The following OPN4 variants were observed in gnomAD, a reference collection of about 807,000 sequenced individuals.
OPN4 encodes the protein opsin 4.
In OPN4, 43 loss-of-function variants were observed where a neutral mutation model predicts 49.5. The observed-to-expected ratio is 0.87, with a 90% confidence interval of 0.68 to 1.12. The LOEUF (loss-of-function observed/expected upper bound fraction) is 1.12, where lower values mean the gene tolerates loss of function less well. Ranked by LOEUF, OPN4 falls within the 50% of genes most tolerant of loss-of-function variation. The pLI is 0.00. For missense variants in OPN4, 657 were observed against 643.9 expected (o/e 1.02, Z -0.22); for synonymous variants, 263 against 258.0 (o/e 1.02, Z -0.19).
At chr10:86,661,197 T>C in intron 6 of OPN4, 84 bp from the exon 7 acceptor site, 1 of 1,079,660 alleles carries the variant, frequency 9.3e-7, no homozygotes, top group Non-Finnish European at 1.4e-6. Flanking sequence ...GGATTAGGAT[T>C]TGGGCTTTGG....
At position 86,663,629 on chromosome 10, in the gene OPN4, A is replaced by C. The variant is rs758701971; in HGVS notation, c.1255-30A>C. 9.5e-6 allele frequency: 14 copies of C among 1,466,010 alleles called. No homozygotes were observed. In the African/African-American group the frequency reaches 2.0e-4, roughly 21 times the overall value. The allele number at this position is 1,466,010 out of a possible 1,614,324, so 90.8% of individuals were successfully genotyped here. A position where few individuals can be genotyped will look rare whatever the true frequency, so the allele number is the denominator to read the frequency against. ...AGCAAAGCTACGGACTGTCCCTCTC[A>C]CCTCACAGTCACTCTCTCACCTCCC... On this transcript the variant is annotated intron_variant, in intron 8 of 9. Transcript: ENST00000241891.
Position 86,660,028 on chromosome 10 carries a change from T to C in OPN4, c.934T>C (p.Tyr312His), listed in dbSNP as rs1181722572. The C allele has an allele frequency of 1.9e-6, 3 of 1,614,078 alleles. No individual in the cohort carries two copies. Among genetic ancestry groups the C allele is most frequent in the Non-Finnish European group, 2.5e-6 (3 of 1,180,032 alleles). Residue 312 changes from tyrosine to histidine, a missense_variant, in exon 6 of 10, where the codon TAT becomes CAT. By Grantham distance (83) the Tyr-to-His change is moderately conservative. Coordinates refer to ENST00000241891, the MANE Select transcript of OPN4 (RefSeq NM_033282.4). ...CCTCTTCGTGCTCTCCTGGGCTCCC[T>C]ATTCCGCTGTGGCCCTGGTGGCCTT... Reference protein sequence around the residue: ...ILLFVLSWAPYSAVALVAFAG... With the variant: ...ILLFVLSWAPHSAVALVAFAG...
chr10:86,656,406 G>A, intron 2 of OPN4, 106 bp downstream of exon 2: 1 of 1,376,452 alleles, frequency 7.3e-7, no homozygotes, highest in Non-Finnish European at 9.9e-7. Flanking sequence ...CCAGGGCACT[G>A]TTGAGGCTAG....
In OPN4 at chr10:86,659,904, G is replaced by C; in HGVS notation, c.810G>C (p.Gln270His). Reference sequence around the variant, plus strand: ...GATGCGTCCTTCCTAGGGCTCTCCAGACCTTCGGGGCCTGCAAGGGCAATG... The same window carrying C: ...GATGCGTCCTTCCTAGGGCTCTCCACACCTTCGGGGCCTGCAAGGGCAATG... ...RAIRETGRAL[Q>H]TFGACKGNGE... Residue 270 changes from glutamine to histidine, a missense_variant, in exon 6 of 10, where the codon CAG becomes CAC. Coordinates refer to ENST00000241891, the MANE Select transcript of OPN4 (RefSeq NM_033282.4). 6.2e-7 allele frequency: 1 copy of C among 1,614,180 alleles called. No homozygotes were observed. Among genetic ancestry groups the C allele is most frequent in the Non-Finnish European group, 8.5e-7 (1 of 1,180,026 alleles).
At chr10:86,658,008 C>T in intron 2 of OPN4, 24 bp from the exon 3 acceptor site, 5 of 1,608,190 alleles carry the variant, frequency 3.1e-6, no homozygotes, top group South Asian at 2.2e-5. Flanking sequence ...GGAAGCGCCT[C>T]CTAACAGCTT....
intron 5 of OPN4, 48 bp downstream of exon 5, chr10:86,659,516 C>T (rs780477673): frequency 2.4e-5 from 38 of 1,581,262 alleles, no homozygotes; most frequent in Non-Finnish European, 3.0e-5. Flanking sequence ...ACCGGCCCCT[C>T]GGCCAGGCGG....
intron 7 of OPN4, among the ~76,000 whole-genome samples, chr10:86,661,928 G>A (rs911628638): frequency 5.3e-5 from 8 of 152,148 alleles, no homozygotes; most frequent in African/African-American, 1.9e-4. Context: ...GGCTGCTCCA[G>A]AGTGTCCCTG....
At position 86,665,751 on chromosome 10, in the gene OPN4, G is replaced by A; in HGVS notation, c.1437G>A (p.Ter479=). 1 of 1,612,628 alleles carries A rather than the reference G, an allele frequency of 6.2e-7. No homozygotes were observed. Among genetic ancestry groups the A allele is most frequent in the Non-Finnish European group, 8.5e-7 (1 of 1,178,796 alleles). Residue 479 remains the stop codon, a stop_retained_variant, in exon 10 of 10, where the codon TAG becomes TAA. Transcript: ENST00000241891. Reference sequence around the variant, plus strand: ...TCCCCAGCCAGGACCCCAGGATGTAGGACGCCCACTGGCTCTCCCTTTCTT... The same window carrying A: ...TCCCCAGCCAGGACCCCAGGATGTAAGACGCCCACTGGCTCTCCCTTTCTT... ...GLIPSQDPRM[*]
chr10:86,662,347 G>C lies in OPN4; in HGVS notation c.1169G>C (p.Arg390Pro). Residue 390 changes from arginine (R) to proline (P), a missense_variant, in exon 8 of 10, where the codon CGC (arginine) becomes CCC (proline). Transcript: ENST00000241891. ...RPYPSYRSTH[R>P]STLTSHTSNL... The stretch of plus-strand genomic sequence containing the variant: ...TACCCCAGCTACCGCTCCACCCACC[G>C]CTCCACGCTGACCAGCCACACCTCC... 1.3e-6 allele frequency: 2 copies of C among 1,594,860 alleles called. No homozygotes were observed. Among genetic ancestry groups the C allele is most frequent in the Non-Finnish European group, 1.7e-6 (2 of 1,172,178 alleles).
At chr10:86,663,584 C>T in intron 8 of OPN4, 75 bp from the exon 9 acceptor site, 1 of 1,337,680 alleles carries the variant, frequency 7.5e-7, no homozygotes, top group Non-Finnish European at 9.9e-7. Context: ...TGAAGGAGGG[C>T]CTGGTGGGGT....
intron 8 of OPN4, among the ~76,000 whole-genome samples, chr10:86,663,156 C>G (rs186001240): frequency 6.6e-6 from 1 of 152,196 alleles, no homozygotes; most frequent in Non-Finnish European, 1.5e-5. Flanking sequence ...GCTCCTGTTC[C>G]CACCACACTT....
chr10:86,659,139 C>T (rs1172047637), intron 4 of OPN4, among the ~76,000 whole-genome samples, 158 bp from the exon 5 acceptor site: 2 of 152,188 alleles, frequency 1.3e-5, no homozygotes, highest in Admixed American at 1.3e-4. Context: ...GCTTTGCAGG[C>T]CATCCCAGTT....
chr10:86,663,918 G>T (rs1844082000), intron 9 of OPN4, 116 bp downstream of exon 9: 3 of 1,258,470 alleles, frequency 2.4e-6, no homozygotes, highest in Non-Finnish European at 3.3e-6. Flanking sequence ...TATCCTCCAG[G>T]AATCACCTGC....
chr10:86,663,998 C>T (rs561251079), intron 9 of OPN4, 196 bp downstream of exon 9: 2 of 618,384 alleles, frequency 3.2e-6, no homozygotes, highest in East Asian at 2.9e-5. Flanking sequence ...CTGAGCAGGG[C>T]CTGCATATGG....
rs759015209 is a variant in OPN4 at position 86,663,699 on chromosome 10, C to T, written c.1295C>T (p.Ala432Val). ...GAGGCAGCAGCTGTGTGGGGAGCTG[C>T]CCAGCAAGCAAATGGGCGGTCCCTC... ...HMEAAAVWGAAQQANGRSLYG... is the reference protein window; with the variant it reads ...HMEAAAVWGAVQQANGRSLYG... Residue 432 changes from alanine (A) to valine (V), a missense_variant, in exon 9 of 10, where the codon GCC (alanine) becomes GTC (valine). Ala to Val is a moderately conservative substitution (Grantham distance 64, BLOSUM62 0). Transcript: ENST00000241891. The T allele has an allele frequency of 3.2e-6, 5 of 1,571,376 alleles. No individual in the cohort carries two copies. In the African/African-American group the frequency reaches 5.4e-5, roughly 17 times the overall value.
chr10:86,661,986 A>G (rs1186828202), intron 7 of OPN4, among the ~76,000 whole-genome samples: 1 of 152,072 alleles, frequency 6.6e-6, no homozygotes, highest in South Asian at 2.1e-4. Flanking sequence ...GAGGGCTGGA[A>G]CCAACATCCC....
At chr10:86,660,237 C>T (rs1843972389) in intron 6 of OPN4, among the ~76,000 whole-genome samples, 178 bp downstream of exon 6, 1 of 152,242 alleles carries the variant, frequency 6.6e-6, no homozygotes, top group Non-Finnish European at 1.5e-5. Context: ...GGTGGGGGGC[C>T]ACCTAGTTCC....
At chr10:86,656,025 C>A (rs1843852312) in intron 1 of OPN4, 130 bp from the exon 2 acceptor site, 2 of 1,159,164 alleles carry the variant, frequency 1.7e-6, no homozygotes, top group Non-Finnish European at 2.5e-6. Flanking sequence ...GCTGTGTGTG[C>A]AACTGGCTTT....
rs769509506 is a variant in OPN4, at chr10:86,658,676, T to C, written c.617T>C (p.Phe206Ser). ...LYALAWSLPP[F>S]FGWSAYVPEG... The stretch of plus-strand genomic sequence containing the variant: ...GCCCTGGCCTGGAGTCTGCCACCCT[T>C]CTTCGGCTGGAGTAAGTGGGCTGCT... Residue 206 changes from phenylalanine to serine, a missense_variant, in exon 4 of 10, where the codon TTC (phenylalanine) becomes TCC (serine). Transcript: ENST00000241891. The C allele has an allele frequency of 1.6e-5, 25 of 1,612,284 alleles. No homozygotes were observed. Among genetic ancestry groups the C allele is most frequent in the Middle Eastern group, 1.6e-4 (1 of 6,084 alleles).
Sources: allele counts gnomAD v4.1 joint callset (sites outside exome capture counted in the v4.1 genomes callset), GRCh38; gene constraint gnomAD v4.1.1; transcripts MANE v1.5; gene names NCBI Gene and HGNC (gene_info 2026-07-23, HGNC 2026-07-21).